The following DNM2 variants were observed in gnomAD, a reference collection of about 807,000 sequenced individuals.
DNM2 encodes the protein dynamin-2.
DNM2 carries 15 observed loss-of-function variants against 99.0 expected under a neutral mutation model. That is an observed-to-expected ratio of 0.15 (90% CI 0.10 to 0.23). The LOEUF (loss-of-function observed/expected upper bound fraction) is 0.23, where lower values mean the gene tolerates loss of function less well. DNM2 is among the 10% of genes least tolerant of loss of function. The pLI is 1.00. For synonymous variants in DNM2, 525 were observed against 481.2 expected, an observed-to-expected ratio of 1.09 and a Z score of -1.19; for missense variants, 742 against 1,189.4, an observed-to-expected ratio of 0.62 and a Z score of 5.53.
chr19:10,746,725 T>C (rs2069989951), intron 1 of DNM2, among the ~76,000 whole-genome samples: 1 of 86,598 alleles, frequency 1.2e-5, no homozygotes, highest in African/African-American at 5.9e-5. Flanking sequence ...GGCTTTTTTT[T>C]TGTTTTTTGT....
rs115243888 is a variant in DNM2, at chr19:10,769,136, C to T, written c.236-3343C>T. ...ACTTCTGCCCACCAGCTGCTCAGACCGTAGCTGTGCTGGCTATGCTCTTCC... is the reference window on the plus strand; with the variant it reads ...ACTTCTGCCCACCAGCTGCTCAGACTGTAGCTGTGCTGGCTATGCTCTTCC... On this transcript the variant is annotated intron_variant, in intron 2 of 20. Transcript: ENST00000389253. 4.0e-3 allele frequency among the ~76,000 whole-genome samples: 615 copies of T among 152,262 alleles called. 6 individuals are homozygous for T. Among genetic ancestry groups the T allele is most frequent in the African/African-American group, 0.014 (575 of 41,548 alleles).
At chr19:10,810,944 G>A (rs1336992308) in intron 14 of DNM2, 1 of 152,400 alleles carries the variant, frequency 6.6e-6, no homozygotes, top group South Asian at 2.1e-4. Flanking sequence ...CGTTCCCAGA[G>A]GGGATGCTGT....
chr19:10,770,938 G>A (rs1467870344), intron 2 of DNM2, among the ~76,000 whole-genome samples: 1 of 152,174 alleles, frequency 6.6e-6, no homozygotes, highest in African/African-American at 2.4e-5. Context: ...AACTACAGGT[G>A]TGCGCCAACA....
chr19:10,825,005 G>C (rs772727977), intron 17 of DNM2, 52 bp from the exon 18 acceptor site: 6 of 1,611,936 alleles, frequency 3.7e-6, no homozygotes, highest in Non-Finnish European at 1.7e-6. Context: ...CAGAGAACCA[G>C]GACTTGGCCC....
intron 18 of DNM2, among the ~76,000 whole-genome samples, chr19:10,826,029 T>C (rs985407208): frequency 4.6e-5 from 7 of 152,014 alleles, no homozygotes; most frequent in African/African-American, 1.5e-4. Context: ...AGCAAGACCT[T>C]GTGTCCAACA....
chr19:10,782,860 G>A (rs951198845), intron 5 of DNM2, 100 bp from the exon 6 acceptor site: 5 of 1,534,410 alleles, frequency 3.3e-6, no homozygotes, highest in Non-Finnish European at 4.5e-6. Flanking sequence ...AGTGCCTCGT[G>A]GGACAGGATC....
chr19:10,794,437 AC>A lies in DNM2; in HGVS notation c.1128+583del, dbSNP rs1338171386. On this transcript the variant is annotated intron_variant, in intron 8 of 20. Coordinates refer to ENST00000389253, the MANE Select transcript of DNM2 (RefSeq NM_001005361.3). Reference sequence around the variant, plus strand: ...GCACATAGCATTTTTTATTAAAAAAACAAACAGTTTTTTAAAATCAGAGGAG... The same window carrying A: ...GCACATAGCATTTTTTATTAAAAAAAAAACAGTTTTTTAAAATCAGAGGAG... Among the ~76,000 whole-genome samples, 7 of 151,638 alleles carry A rather than the reference AC, an allele frequency of 4.6e-5. No homozygotes were observed. In the East Asian group the frequency reaches 9.7e-4, roughly 21 times the overall value.
rs368701122 is a variant in DNM2, at chr19:10,830,405, C to T, written c.2543+27C>T. The T allele has an allele frequency of 3.3e-5, 53 of 1,601,408 alleles. No individual in the cohort carries two copies. Among genetic ancestry groups the T allele is most frequent in the Non-Finnish European group, 4.3e-5 (51 of 1,177,102 alleles). On this transcript the variant is annotated intron_variant, in intron 20 of 20. Coordinates refer to ENST00000389253, the MANE Select transcript of DNM2 (RefSeq NM_001005361.3). The surrounding 1 kb of genome is among the most constrained non-coding windows in gnomAD (Gnocchi z 4.8). ...TAAGGCCAACCCCCTGCCCTCCACCCCAACTGCCTGCACCCTGGGGTCTCT... is the reference window on the plus strand; with the variant it reads ...TAAGGCCAACCCCCTGCCCTCCACCTCAACTGCCTGCACCCTGGGGTCTCT...
rs924595056 is a variant in DNM2, at chr19:10,817,328, G to A, written c.1672-2652G>A. The A allele has an allele frequency of 4.5e-5, 20 of 444,252 alleles. No homozygotes were observed. The highest frequency in any genetic ancestry group is 6.1e-5 in the African/African-American group (3 of 49,390). 27.5% of individuals were successfully genotyped at this position (444,252 alleles called of 1,614,324 possible). A position where few individuals can be genotyped will look rare whatever the true frequency, so the allele number is the denominator to read the frequency against. On this transcript the variant is annotated intron_variant, in intron 15 of 20. Coordinates refer to ENST00000389253, the MANE Select transcript of DNM2 (RefSeq NM_001005361.3). The surrounding 1 kb of genome is among the most constrained non-coding windows in gnomAD (Gnocchi z 4.6). ...ACCCAGGCCCTCGAATCTTCTATGC[G>A]AGGCTCTGCCACAGTGGGAAACGGG... is the stretch of plus-strand genomic sequence containing the variant.
chr19:10,744,392 C>T (rs1219128209), intron 1 of DNM2, among the ~76,000 whole-genome samples: 2 of 152,096 alleles, frequency 1.3e-5, no homozygotes, highest in Non-Finnish European at 2.9e-5. Flanking sequence ...CCGGGCTGTT[C>T]CTGTCACTTG....
intron 2 of DNM2, among the ~76,000 whole-genome samples, chr19:10,760,131 T>G (rs2070569030): frequency 6.6e-6 from 1 of 151,866 alleles, no homozygotes; most frequent in African/African-American, 2.4e-5. Context: ...CCTCCCAGGT[T>G]CCAGCGATTC....
Position 10,731,986 on chromosome 19 carries a change from C to T in DNM2, c.161+13583C>T, listed in dbSNP as rs186999675. 7.0e-4 allele frequency among the ~76,000 whole-genome samples: 104 copies of T among 147,766 alleles called. 2 individuals carry two copies. The East Asian group carries it at 0.019, about 27-fold the overall frequency. ...TTTTTTTTTTTGAGACGGAGTTTCG[C>T]TGTTGTTGCCCAGGCTGGAGTGCAA... On this transcript the variant is annotated intron_variant, in intron 1 of 20. Coordinates refer to ENST00000389253, the MANE Select transcript of DNM2 (RefSeq NM_001005361.3).
intron 5 of DNM2, among the ~76,000 whole-genome samples, chr19:10,781,982 G>A (rs1406317469): frequency 2.6e-5 from 4 of 151,808 alleles, no homozygotes; most frequent in African/African-American, 4.8e-5. Context: ...AAATATACTC[G>A]TTTGATAGTG....
intron 1 of DNM2, among the ~76,000 whole-genome samples, chr19:10,736,617 T>G (rs1555698630): frequency 6.6e-6 from 1 of 152,212 alleles, no homozygotes; most frequent in Non-Finnish European, 1.5e-5. Context: ...TTTGTTTGTT[T>G]GTTTGTTTAG....
Position 10,796,325 on chromosome 19 carries a change from G to C in DNM2, c.1196+886G>C. 1 of 1,446,910 alleles carries C rather than the reference G, an allele frequency of 6.9e-7. No homozygotes were observed. The highest frequency in any genetic ancestry group is 1.2e-5 in the South Asian group (1 of 86,146). The allele number at this position is 1,446,910 out of a possible 1,614,324, so 89.6% of individuals were successfully genotyped here. Reference sequence around the variant, plus strand: ...TTTCTCCCCATATCGCTTTGTGTCCGTGAACTTGGCCTCTCCCCAGAGGCT... The same window carrying C: ...TTTCTCCCCATATCGCTTTGTGTCCCTGAACTTGGCCTCTCCCCAGAGGCT... On this transcript the variant is annotated intron_variant, in intron 9 of 20. Coordinates refer to ENST00000389253, the MANE Select transcript of DNM2 (RefSeq NM_001005361.3). The surrounding 1 kb of genome is among the most constrained non-coding windows in gnomAD (Gnocchi z 5.6).
rs1338808365 is a variant in DNM2 at position 10,778,018 on chromosome 19, A to ATTTT, written c.688+803_688+806dup. The stretch of plus-strand genomic sequence containing the variant: ...TCTTCCTGGAATATTTTATTTTTTC[A>ATTTT]TTTTATTTATTTATTTATTTATTTA... On this transcript the variant is annotated intron_variant, in intron 5 of 20. Transcript: ENST00000389253. Among the ~76,000 whole-genome samples the ATTTT allele has an allele frequency of 3.6e-4, 35 of 97,566 alleles. No homozygotes were observed. In the East Asian group the frequency reaches 4.7e-3, roughly 13 times the overall value. 64.0% of individuals were successfully genotyped at this position (97,566 alleles called of 152,430 possible).
Position 10,831,572 on chromosome 19 carries a change from A to T in DNM2, c.*525A>T. 1 of 985,950 alleles carries T rather than the reference A, an allele frequency of 1.0e-6. No homozygotes were observed. Among genetic ancestry groups the T allele is most frequent in the Non-Finnish European group, 1.2e-6 (1 of 830,048 alleles). The allele number at this position is 985,950 out of a possible 1,614,324, so 61.1% of individuals were successfully genotyped here. A position where few individuals can be genotyped will look rare whatever the true frequency, so the allele number is the denominator to read the frequency against. On this transcript the variant is annotated 3_prime_UTR_variant, in exon 21 of 21. Transcript: ENST00000389253. This position sits in a 1 kb window ranked among gnomAD's most constrained non-coding sequence, Gnocchi z 4.3. ...GAGGTGTACATAGTCCTTCCCGGCCATATTAACCACACAGCCTGAGCCTGG... is the reference window on the plus strand; with the variant it reads ...GAGGTGTACATAGTCCTTCCCGGCCTTATTAACCACACAGCCTGAGCCTGG...
intron 7 of DNM2, among the ~76,000 whole-genome samples, chr19:10,790,134 C>G (rs1239793430): frequency 6.6e-6 from 1 of 152,236 alleles, no homozygotes; most frequent in African/African-American, 2.4e-5. Flanking sequence ...TCACGCCTTA[C>G]AAGAGAACGG....
At chr19:10,826,462 T>G (rs549310717) in intron 18 of DNM2, among the ~76,000 whole-genome samples, 181 of 152,368 alleles carry the variant, frequency 1.2e-3, no homozygotes, top group Non-Finnish European at 2.0e-3. Flanking sequence ...CTGGAGACTC[T>G]CAGGGCTCTG....
Sources: allele counts gnomAD v4.1 joint callset (sites outside exome capture counted in the v4.1 genomes callset), GRCh38; gene constraint gnomAD v4.1.1; non-coding constraint Gnocchi (gnomAD v3.1); transcripts MANE v1.5; gene names NCBI Gene and HGNC (gene_info 2026-07-23, HGNC 2026-07-21).